RSF1: variants seen among roughly 807,000 people sequenced by gnomAD.
RSF1 encodes the protein remodeling and spacing factor 1.
Under a neutral mutation model 145.2 loss-of-function variants are expected in RSF1, and 13 were observed. The ratio of observed to expected loss-of-function variants is 0.09; its 90% confidence interval spans 0.06 to 0.14. The LOEUF is 0.14. Ranked by LOEUF, RSF1 falls within the 10% of genes least tolerant of loss-of-function variation. The pLI is 1.00. For missense variants in RSF1, 1,517 were observed against 1,718.2 expected, an observed-to-expected ratio of 0.88 and a Z score of 2.07; for synonymous variants, 577 against 592.6, an observed-to-expected ratio of 0.97 and a Z score of 0.38.
At chr11:77,830,404 G>A in the RSF1 span, among the ~76,000 whole-genome samples, 10 of 152,100 alleles carry the variant, frequency 6.6e-5, no homozygotes, top group African/African-American at 1.7e-4. Context: ...GTTATCTATT[G>A]AGAAATCTAG....
intron 1 of RSF1, among the ~76,000 whole-genome samples, chr11:77,772,848 GA>G (rs1161762028): frequency 0.26 from 22,458 of 85,042 alleles, 1,790 homozygotes; most frequent in South Asian, 0.48. Context: ...GCCCAAGATG[GA>G]AAAAAAAAAA....
Position 77,725,584 on chromosome 11 carries a change from C to T in RSF1, c.694G>A (p.Asp232Asn). 1 of 1,603,628 alleles carries T rather than the reference C, an allele frequency of 6.2e-7. No homozygotes were observed. The highest frequency in any genetic ancestry group is 2.2e-5 in the East Asian group (1 of 44,538). ...TCTTCCTCTTTTTTAGTCTCCTCAT[C>T]CTCTAAGCTGGGACTTTCCCGAGAA... is the stretch of plus-strand genomic sequence containing the variant. ...NSSRESPSLE[D>N]EETKKEEETP... Residue 232 changes from aspartate to asparagine, a missense_variant, in exon 5 of 16, where the codon GAT becomes AAT. Asp to Asn is a conservative substitution (Grantham distance 23). Transcript: ENST00000308488.
At chr11:77,827,905 C>T in the RSF1 span, among the ~76,000 whole-genome samples, 1 of 152,112 alleles carries the variant, frequency 6.6e-6, no homozygotes, top group Non-Finnish European at 1.5e-5. Context: ...AACAAATAGG[C>T]AAGCACATTT....
chr11:77,735,288 G>A (rs530087810), intron 4 of RSF1, among the ~76,000 whole-genome samples: 54 of 152,274 alleles, frequency 3.5e-4, no homozygotes, highest in African/African-American at 1.3e-3. Flanking sequence ...CTACGTAACA[G>A]TACAAGTTTT....
At position 77,747,078 on chromosome 11, in the gene RSF1, G is replaced by A; in HGVS notation, c.330C>T (p.Gly110=). ...STWAWEMEKK[G]YLEMSVECKL... is the part of the protein sequence containing the mutation. ...TGCATTCAACACTCATTTCAAGATA[G>A]CCCTTCTTCTCCATCTCCCATGCCC... Residue 110 remains glycine, a synonymous_variant, in exon 3 of 16, where the codon GGC becomes GGT. Coordinates refer to ENST00000308488, the MANE Select transcript of RSF1 (RefSeq NM_016578.4). 6.2e-7 allele frequency: 1 copy of A among 1,611,116 alleles called. No individual in the cohort carries two copies. The highest frequency in any genetic ancestry group is 8.5e-7 in the Non-Finnish European group (1 of 1,177,582).
At position 77,750,951 on chromosome 11, in the gene RSF1, T is replaced by C. The variant is rs138186107; in HGVS notation, c.280-3823A>G. Among the ~76,000 whole-genome samples, 215 of 152,182 alleles carry C rather than the reference T, an allele frequency of 1.4e-3. 2 individuals are homozygous for C. The highest frequency in any genetic ancestry group is 3.5e-3 in the African/African-American group (147 of 41,530). ...TCCTGACACAACACCAGAATCAATGTTTGGTGCCTGCAAGGGTGAAAGTCA... is the reference window on the plus strand; with the variant it reads ...TCCTGACACAACACCAGAATCAATGCTTGGTGCCTGCAAGGGTGAAAGTCA... On this transcript the variant is annotated intron_variant, in intron 2 of 15. Coordinates refer to ENST00000308488, the MANE Select transcript of RSF1 (RefSeq NM_016578.4).
Position 77,698,638 on chromosome 11 carries a change from T to C in RSF1, c.2564A>G (p.Lys855Arg). 1.2e-6 allele frequency: 2 copies of C among 1,614,180 alleles called. No homozygotes were observed. ...WTGSRTRGRW[K>R]YSSNDESEGS... ...TTCACTTTCATCATTGCTGGAATATTTCCATCTGCCACGTGTCCGAGAACC... is the reference window on the plus strand; with the variant it reads ...TTCACTTTCATCATTGCTGGAATATCTCCATCTGCCACGTGTCCGAGAACC... Residue 855 changes from lysine to arginine, a missense_variant, in exon 7 of 16, where the codon AAA becomes AGA. Lys to Arg is a conservative substitution (Grantham distance 26). Coordinates refer to ENST00000308488, the MANE Select transcript of RSF1 (RefSeq NM_016578.4).
chr11:77,802,568 A>T (rs1948636400), intron 1 of RSF1, among the ~76,000 whole-genome samples: 1 of 151,986 alleles, frequency 6.6e-6, no homozygotes, highest in Non-Finnish European at 1.5e-5. Context: ...TTTGAGACAG[A>T]GTTTTACTCT....
chr11:77,820,914 C>T (rs1386129066), upstream of RSF1: 4 of 587,124 alleles, frequency 6.8e-6, no homozygotes, highest in African/African-American at 7.7e-5. Flanking sequence ...AGACGGGAGA[C>T]AGAGCGGCCC....
Position 77,666,841 on chromosome 11 carries a change from A to G in RSF1, c.*76T>C. 1 of 1,263,650 alleles carries G rather than the reference A, an allele frequency of 7.9e-7. No individual in the cohort carries two copies. The highest frequency in any genetic ancestry group is 2.4e-5 in the East Asian group (1 of 42,338). The allele number at this position is 1,263,650 out of a possible 1,614,324, so 78.3% of individuals were successfully genotyped here. On this transcript the variant is annotated 3_prime_UTR_variant, in exon 16 of 16. Transcript: ENST00000308488. ...GTAGTGGAGTTTTCTAGGAAAAATT[A>G]AACAGCTTTTAATAACTGGCCCGCT...
At chr11:77,737,493 A>AACAAC (rs562370127) in intron 4 of RSF1, among the ~76,000 whole-genome samples, 1,908 of 146,406 alleles carry the variant, frequency 0.013, 40 homozygotes, top group African/African-American at 0.042. Flanking sequence ...ACAACAACAA[A>AACAAC]AAAACGGAAA....
In RSF1 at chr11:77,700,991, G is replaced by A. The variant is rs757797189; in HGVS notation, c.2238C>T (p.Pro746=). The A allele has an allele frequency of 5.1e-5, 83 of 1,613,238 alleles. No homozygotes were observed. Among genetic ancestry groups the A allele is most frequent in the Non-Finnish European group, 6.5e-5 (77 of 1,179,990 alleles). ...TIRISSRKKK[P]DSPPKVLEPE... ...GTTCTAGAACTTTGGGGGGAGAATC[G>A]GGCTTCTTTTTCCGACTTGATATCC... The change falls in exon 6 of 16, where the codon CCC becomes CCT. Residue 746 remains proline, a synonymous_variant. Coordinates refer to ENST00000308488, the MANE Select transcript of RSF1 (RefSeq NM_016578.4).
chr11:77,688,055 C>T (rs1353930461), intron 9 of RSF1, among the ~76,000 whole-genome samples: 1 of 152,134 alleles, frequency 6.6e-6, no homozygotes, highest in Non-Finnish European at 1.5e-5. Context: ...CTTTGGTAGG[C>T]CAAGGCAGGT....
At position 77,675,223 on chromosome 11, in the gene RSF1, G is replaced by A. The variant is rs1959669599; in HGVS notation, c.3375C>T (p.Asn1125=). The A allele has an allele frequency of 6.2e-7, 1 of 1,613,724 alleles. No individual in the cohort carries two copies. The highest frequency in any genetic ancestry group is 8.5e-7 in the Non-Finnish European group (1 of 1,179,952). The change falls in exon 14 of 16, where the codon AAC becomes AAT. Residue 1125 remains asparagine (N), a synonymous_variant. Coordinates refer to ENST00000308488, the MANE Select transcript of RSF1 (RefSeq NM_016578.4). The part of the protein sequence containing the change: ...SQDEFVVSDE[N]PDESEEDPPS... ...GCGGATCTTCTTCACTTTCATCTGGGTTTTCATCAGACACAACAAACTCAT... is the reference window on the plus strand; with the variant it reads ...GCGGATCTTCTTCACTTTCATCTGGATTTTCATCAGACACAACAAACTCAT...
intron 1 of RSF1, among the ~76,000 whole-genome samples, chr11:77,767,880 G>C (rs935066168): frequency 1.1e-4 from 17 of 152,128 alleles, no homozygotes; most frequent in Non-Finnish European, 1.9e-4. Context: ...TTTTTTAAAA[G>C]CCAATACAAG....
At chr11:77,824,221 AACG>A (rs1949068500), upstream of RSF1, among the ~76,000 whole-genome samples, 1 of 152,246 alleles carries the variant, frequency 6.6e-6, no homozygotes, top group African/African-American at 2.4e-5. Flanking sequence ...TACAGAGCTT[AACG>A]ACAATTTATG....
In RSF1 at chr11:77,683,774, T is replaced by C. The variant is rs374391235; in HGVS notation, c.3001A>G (p.Lys1001Glu). Residue 1001 changes from lysine (K) to glutamate (E), a missense_variant, in exon 11 of 16, where the codon AAA (lysine) becomes GAA (glutamate). Physicochemically the swap from Lys to Glu is moderately conservative, Grantham distance 56. Coordinates refer to ENST00000308488, the MANE Select transcript of RSF1 (RefSeq NM_016578.4). Reference protein sequence around the residue: ...EDQEEKKKDSKKSKANLLERR... With the variant: ...EDQEEKKKDSEKSKANLLERR... Reference sequence around the variant, plus strand: ...TCAAGCAAGTTTGCTTTGGATTTTTTTGAATCTTTTTTCTTTTCTTCTTGA... The same window carrying C: ...TCAAGCAAGTTTGCTTTGGATTTTTCTGAATCTTTTTTCTTTTCTTCTTGA... 6.2e-7 allele frequency: 1 copy of C among 1,613,228 alleles called. No individual in the cohort carries two copies. Among genetic ancestry groups the C allele is most frequent in the Non-Finnish European group, 8.5e-7 (1 of 1,179,918 alleles).
chr11:77,852,927 T>C, the RSF1 span, among the ~76,000 whole-genome samples: 4 of 152,176 alleles, frequency 2.6e-5, no homozygotes, highest in African/African-American at 9.7e-5. Context: ...ATATTGTTTA[T>C]TCACTTTAGT....
At chr11:77,805,393 A>T (rs1741644770) in intron 1 of RSF1, among the ~76,000 whole-genome samples, 1 of 152,046 alleles carries the variant, frequency 6.6e-6, no homozygotes, top group African/African-American at 2.4e-5. Flanking sequence ...ATGAGCCAAG[A>T]TCACACCACT....
Sources: allele counts gnomAD v4.1 joint callset (sites outside exome capture counted in the v4.1 genomes callset), GRCh38; gene constraint gnomAD v4.1.1; transcripts MANE v1.5; gene names NCBI Gene and HGNC (gene_info 2026-07-23, HGNC 2026-07-21).